PPM1E: variants seen among roughly 807,000 people sequenced by gnomAD.
PPM1E encodes the protein protein phosphatase 1E.
A neutral mutation model predicts 65.9 loss-of-function variants in PPM1E; 20 were observed. The observed-to-expected ratio is 0.30, with a 90% confidence interval of 0.21 to 0.44. PPM1E has a LOEUF of 0.44. Ranked by LOEUF, PPM1E falls within the 20% of genes least tolerant of loss-of-function variation. The probability of loss-of-function intolerance (pLI) is 1.00; values close to 1 mark genes in which losing one functional copy is unlikely to be tolerated. For synonymous variants in PPM1E, 352 were observed against 374.9 expected (o/e 0.94, Z 0.70); for missense variants, 713 against 953.1 (o/e 0.75, Z 3.32).
At chr17:58,874,124 G>T (rs944867826) in intron 1 of PPM1E, among the ~76,000 whole-genome samples, 2 of 152,122 alleles carry the variant, frequency 1.3e-5, no homozygotes, top group African/African-American at 4.8e-5. Context: ...GAAGTTGAAG[G>T]CCAGCTATCT....
At chr17:58,767,362 C>G (rs985226009) in intron 1 of PPM1E, among the ~76,000 whole-genome samples, 1 of 152,166 alleles carries the variant, frequency 6.6e-6, no homozygotes, top group African/African-American at 2.4e-5. Flanking sequence ...GGACATTAAC[C>G]TAGGCAGTCA....
intron 1 of PPM1E, among the ~76,000 whole-genome samples, chr17:58,936,757 T>G (rs909492605): frequency 6.6e-6 from 1 of 152,152 alleles, no homozygotes; most frequent in Non-Finnish European, 1.5e-5. Context: ...TAAAATACTA[T>G]CCTGTCCATC....
intron 1 of PPM1E, among the ~76,000 whole-genome samples, chr17:58,761,305 G>T (rs530925498): frequency 6.6e-6 from 1 of 152,150 alleles, no homozygotes; most frequent in Non-Finnish European, 1.5e-5. Flanking sequence ...AAATTCCAGG[G>T]GCTTAGAGGT....
chr17:58,807,235 G>T (rs1022985703), intron 1 of PPM1E, among the ~76,000 whole-genome samples: 4 of 152,092 alleles, frequency 2.6e-5, no homozygotes, highest in Admixed American at 1.3e-4. Context: ...TTTTTAAAAA[G>T]AAAATGTTTT....
At chr17:58,801,440 C>CTT (rs35970989) in intron 1 of PPM1E, among the ~76,000 whole-genome samples, 12 of 101,140 alleles carry the variant, frequency 1.2e-4, no homozygotes, top group Admixed American at 2.1e-4. Flanking sequence ...CCCCTTCAGT[C>CTT]TTTTTTTTTT....
At chr17:58,850,690 C>G (rs2050818118) in intron 1 of PPM1E, among the ~76,000 whole-genome samples, 1 of 152,194 alleles carries the variant, frequency 6.6e-6, no homozygotes, top group Admixed American at 6.5e-5. Flanking sequence ...CCCAACCTTT[C>G]TCTCTGGCTG....
chr17:58,889,674 T>C (rs2051322512), intron 1 of PPM1E, among the ~76,000 whole-genome samples: 2 of 152,366 alleles, frequency 1.3e-5, no homozygotes, highest in African/African-American at 2.4e-5. Context: ...TCCACAATTA[T>C]ACTTAGTAGA....
At chr17:58,781,591 C>T (rs1286067138) in intron 1 of PPM1E, among the ~76,000 whole-genome samples, 1 of 151,956 alleles carries the variant, frequency 6.6e-6, no homozygotes, top group East Asian at 1.9e-4. Context: ...GAGGGATATA[C>T]ACCAAATTAT....
chr17:58,977,440 CAAA>C (rs1282159101), intron 6 of PPM1E, among the ~76,000 whole-genome samples: 7 of 62,056 alleles, frequency 1.1e-4, no homozygotes, highest in Non-Finnish European at 1.0e-4. Context: ...GACTCTGTCT[CAAA>C]AAAAAAAAAA....
intron 1 of PPM1E, 38 bp downstream of exon 1, chr17:58,756,499 T>C (rs898949064): frequency 1.1e-5 from 14 of 1,263,518 alleles, no homozygotes; most frequent in Non-Finnish European, 1.2e-5. Context: ...GGGCCCGCGG[T>C]CCCCACCGCG....
At chr17:58,956,078 A>G (rs886452681) in intron 2 of PPM1E, among the ~76,000 whole-genome samples, 2 of 152,198 alleles carry the variant, frequency 1.3e-5, no homozygotes, top group Admixed American at 1.3e-4. Flanking sequence ...AGATATTACA[A>G]AAAAGATGAG....
intron 1 of PPM1E, among the ~76,000 whole-genome samples, chr17:58,799,337 T>C (rs1466296053): frequency 6.6e-6 from 1 of 152,114 alleles, no homozygotes; most frequent in Non-Finnish European, 1.5e-5. Context: ...TGGAGTGCAG[T>C]GGCGCCGTCA....
chr17:58,767,729 G>A (rs573443652), intron 1 of PPM1E, among the ~76,000 whole-genome samples: 2 of 151,908 alleles, frequency 1.3e-5, no homozygotes, highest in Non-Finnish European at 2.9e-5. Context: ...CGCAACCTCC[G>A]CCTCCTGGGT....
At chr17:58,893,652 C>A (rs1219401690) in intron 1 of PPM1E, among the ~76,000 whole-genome samples, 1 of 152,076 alleles carries the variant, frequency 6.6e-6, no homozygotes, top group Admixed American at 6.6e-5. Context: ...TTGATTATAA[C>A]AAATGTACCA....
rs1555613259 is a variant in PPM1E at position 58,837,330 on chromosome 17, CAT to C, written c.464+80871_464+80872del. On this transcript the variant is annotated intron_variant, in intron 1 of 6. Transcript: ENST00000308249. ...TCAGAGAATGAGAATAACACACACA[CAT>C]ACACACACACACACACACACACACA... Among the ~76,000 whole-genome samples, 1,238 of 133,522 alleles carry C rather than the reference CAT, an allele frequency of 9.3e-3. 22 individuals carry two copies. Among genetic ancestry groups the C allele is most frequent in the African/African-American group, 0.031 (1,138 of 36,742 alleles). The allele number at this position is 133,522 out of a possible 152,430, so 87.6% of individuals were successfully genotyped here.
chr17:58,837,268 A>T (rs2050669592), intron 1 of PPM1E, among the ~76,000 whole-genome samples: 1 of 147,972 alleles, frequency 6.8e-6, no homozygotes, highest in Non-Finnish European at 1.5e-5. Context: ...ATTAAAAAAA[A>T]AAAAAAAAAA....
chr17:58,847,838 T>C (rs949457998), intron 1 of PPM1E, among the ~76,000 whole-genome samples: 1 of 152,216 alleles, frequency 6.6e-6, no homozygotes, highest in Non-Finnish European at 1.5e-5. Context: ...GGGGATGGCA[T>C]TGAATCTATA....
At chr17:58,933,622 T>TC (rs1443509154) in intron 1 of PPM1E, among the ~76,000 whole-genome samples, 2 of 151,218 alleles carry the variant, frequency 1.3e-5, no homozygotes, top group Non-Finnish European at 2.9e-5. Flanking sequence ...ATGGTGAAAC[T>TC]CCATCTCTAC....
rs60795360 is a variant in PPM1E at position 58,774,655 on chromosome 17, T to C, written c.464+18194T>C. 9.0e-3 allele frequency among the ~76,000 whole-genome samples: 1,377 copies of C among 152,282 alleles called. 26 individuals carry two copies. The highest frequency in any genetic ancestry group is 0.031 in the African/African-American group (1,271 of 41,584). On this transcript the variant is annotated intron_variant, in intron 1 of 6. Coordinates refer to ENST00000308249, the MANE Select transcript of PPM1E (RefSeq NM_014906.5). ...AGTTTAGATAATATTTAACATATTT[T>C]GCTCCTTATTTTTCTGTAACAACAC...
Sources: gnomAD v4.1 joint callset for allele counts (sites outside exome capture counted in the v4.1 genomes callset) on GRCh38, gnomAD v4.1.1 for gene constraint, MANE v1.5 for transcripts, NCBI Gene and HGNC (gene_info 2026-07-23, HGNC 2026-07-21) for gene names.